The following RNLS variants were observed in gnomAD, a reference collection of about 807,000 sequenced individuals.
RNLS encodes renalase, FAD dependent amine oxidase.
A neutral mutation model predicts 39.8 loss-of-function variants in RNLS; 39 were observed. That is an observed-to-expected ratio of 0.98 (90% confidence interval 0.76 to 1.28). The LOEUF (loss-of-function observed/expected upper bound fraction) is 1.28, where lower values mean the gene tolerates loss of function less well. RNLS is among the 50% of genes most tolerant of loss of function. RNLS has a pLI of 0.00. For synonymous variants in RNLS, 147 were observed against 150.7 expected (o/e 0.98, Z 0.18); for missense variants, 410 against 413.3 (o/e 0.99, Z 0.07).
intron 4 of RNLS, among the ~76,000 whole-genome samples, chr10:88,421,340 A>G (rs866239140): frequency 6.6e-6 from 1 of 152,362 alleles, no homozygotes; most frequent in African/African-American, 2.4e-5. Context: ...CTCTGAAAGA[A>G]AAATATGTAG....
intron 3 of RNLS, among the ~76,000 whole-genome samples, chr10:88,581,132 T>C (rs1450582065): frequency 6.6e-6 from 1 of 152,014 alleles, no homozygotes; most frequent in African/African-American, 2.4e-5. Flanking sequence ...TCATAAATAC[T>C]AGACAATCAT....
intron 5 of RNLS, among the ~76,000 whole-genome samples, chr10:88,344,218 G>A (rs986144777): frequency 6.6e-6 from 1 of 152,160 alleles, no homozygotes; most frequent in Admixed American, 6.6e-5. Context: ...CTGCTCAAAT[G>A]AGCAAAATAC....
chr10:88,278,020 A>G (rs1842874924), intron 6 of RNLS, among the ~76,000 whole-genome samples: 1 of 152,186 alleles, frequency 6.6e-6, no homozygotes, highest in Non-Finnish European at 1.5e-5. Flanking sequence ...TATTGTTTCA[A>G]CTATTAACAT....
At chr10:88,207,402 A>G in the RNLS span, among the ~76,000 whole-genome samples, 5 of 152,180 alleles carry the variant, frequency 3.3e-5, no homozygotes, top group Non-Finnish European at 7.4e-5. Flanking sequence ...AGATATATGA[A>G]TAGCAAATAA....
intron 6 of RNLS, among the ~76,000 whole-genome samples, chr10:88,311,987 G>A (rs1845418313): frequency 6.6e-6 from 1 of 152,174 alleles, no homozygotes; most frequent in Non-Finnish European, 1.5e-5. Flanking sequence ...GGTTTTATGA[G>A]GAAGAAGGAA....
At chr10:88,199,043 G>A in the RNLS span, among the ~76,000 whole-genome samples, 4 of 152,094 alleles carry the variant, frequency 2.6e-5, no homozygotes, top group Admixed American at 6.6e-5. Flanking sequence ...ACAACACCTC[G>A]GAAAGGAGAA....
chr10:88,187,037 C>T, the RNLS span, among the ~76,000 whole-genome samples: 3 of 150,516 alleles, frequency 2.0e-5, no homozygotes, highest in South Asian at 2.1e-4. Flanking sequence ...CTGCCTAATC[C>T]GGGTGTTTCT....
At chr10:88,309,555 A>C (rs1275315248) in intron 6 of RNLS, 4 of 892,940 alleles carry the variant, frequency 4.5e-6, no homozygotes, top group Non-Finnish European at 6.4e-6. Flanking sequence ...TAGCAGTACT[A>C]TGGGTAACTG....
the RNLS span, among the ~76,000 whole-genome samples, chr10:88,188,839 T>A: frequency 6.6e-6 from 1 of 152,216 alleles, no homozygotes; most frequent in Non-Finnish European, 1.5e-5. Context: ...ATTTTGTTAG[T>A]TAAAATGATC....
At chr10:88,577,141 A>G (rs1335314875) in intron 3 of RNLS, among the ~76,000 whole-genome samples, 2 of 152,182 alleles carry the variant, frequency 1.3e-5, no homozygotes, top group East Asian at 3.8e-4. Flanking sequence ...ATTACTCTTC[A>G]ATATCCACTT....
the RNLS span, among the ~76,000 whole-genome samples, chr10:88,205,263 TTC>T: frequency 6.6e-6 from 1 of 152,092 alleles, no homozygotes; most frequent in Admixed American, 6.6e-5. Flanking sequence ...ATGGCTGCCT[TTC>T]TCTGTGGTGG....
chr10:88,554,320 TTAAC>T (rs761553808), intron 4 of RNLS, among the ~76,000 whole-genome samples: 51 of 152,164 alleles, frequency 3.4e-4, no homozygotes, highest in Non-Finnish European at 5.1e-4. Context: ...GTAAATAGCA[TTAAC>T]TAACTTTTTG....
At chr10:88,414,660 C>G (rs1344824338) in intron 4 of RNLS, among the ~76,000 whole-genome samples, 2 of 152,092 alleles carry the variant, frequency 1.3e-5, no homozygotes, top group African/African-American at 4.8e-5. Flanking sequence ...CTTTTTGACT[C>G]TTATTTGAAT....
chr10:88,195,468 C>T, the RNLS span, among the ~76,000 whole-genome samples: 1 of 152,266 alleles, frequency 6.6e-6, no homozygotes, highest in African/African-American at 2.4e-5. Context: ...ATGCTGGGCA[C>T]ACCATGGGAG....
At chr10:88,533,608 T>C (rs907531816) in intron 4 of RNLS, among the ~76,000 whole-genome samples, 3 of 152,010 alleles carry the variant, frequency 2.0e-5, no homozygotes, top group Non-Finnish European at 2.9e-5. Context: ...TTAGTTTCAG[T>C]TGTGAGGATG....
At chr10:88,172,842 G>GTTTTTTTGTT in the RNLS span, among the ~76,000 whole-genome samples, 11 of 43,774 alleles carry the variant, frequency 2.5e-4, no homozygotes, top group Middle Eastern at 0.021. Context: ...ATTTTGAGTT[G>GTTTTTTTGTT]TTTTTTTTTT....
chr10:88,467,168 G>T (rs1430820052), intron 4 of RNLS, among the ~76,000 whole-genome samples: 1 of 152,050 alleles, frequency 6.6e-6, no homozygotes, highest in Admixed American at 6.6e-5. Context: ...GGGCTGTAAG[G>T]CAAGGCCAGT....
intron 5 of RNLS, among the ~76,000 whole-genome samples, chr10:88,315,844 A>C (rs375749953): frequency 2.6e-5 from 4 of 151,860 alleles, no homozygotes; most frequent in African/African-American, 7.3e-5. Flanking sequence ...ATTAAATAAC[A>C]TAGTACACAT....
chr10:88,548,695 A>C (rs1848462217), intron 4 of RNLS, among the ~76,000 whole-genome samples: 1 of 148,000 alleles, frequency 6.8e-6, no homozygotes, highest in Admixed American at 6.8e-5. Context: ...TATATATAAT[A>C]TATATTATAT....
Sources: allele counts gnomAD v4.1 joint callset (sites outside exome capture counted in the v4.1 genomes callset), GRCh38; gene constraint gnomAD v4.1.1; transcripts MANE v1.5; gene names NCBI Gene and HGNC (gene_info 2026-07-23, HGNC 2026-07-21).